The following RALGAPB variants were observed in gnomAD, a reference collection of about 807,000 sequenced individuals.
RALGAPB encodes Ral GTPase activating protein non-catalytic subunit beta, also known as ral GTPase-activating protein subunit beta.
RALGAPB carries 25 observed loss-of-function variants against 161.1 expected under a neutral mutation model. That is an observed-to-expected ratio of 0.16 (90% CI 0.11 to 0.22). RALGAPB has a LOEUF of 0.22. Among genes scored for constraint, RALGAPB ranks in the 10% least tolerant of loss-of-function variants. The pLI is 1.00. For synonymous variants in RALGAPB, 629 were observed against 626.1 expected, an observed-to-expected ratio of 1.00 and a Z score of -0.07; for missense variants, 1,391 against 1,815.2, an observed-to-expected ratio of 0.77 and a Z score of 4.25.
At chr20:38,513,237 C>T (rs1191624029) in intron 6 of RALGAPB, among the ~76,000 whole-genome samples, 1 of 151,288 alleles carries the variant, frequency 6.6e-6, no homozygotes, top group East Asian at 2.0e-4. Flanking sequence ...GGCGTGGTGG[C>T]TCACGCCTGT....
chr20:38,535,295 T>A, intron 16 of RALGAPB, 88 bp downstream of exon 16: 1 of 1,431,186 alleles, frequency 7.0e-7, no homozygotes, highest in East Asian at 2.3e-5. Flanking sequence ...TGTGGGTATT[T>A]TAGTGTTGAT....
chr20:38,508,326 A>G (rs188663281), intron 5 of RALGAPB, among the ~76,000 whole-genome samples: 104 of 152,260 alleles, frequency 6.8e-4, no homozygotes, highest in Non-Finnish European at 8.2e-4. Context: ...TAAAAAGGTC[A>G]TAAAGAATAA....
rs758008443 is a variant in RALGAPB at position 38,576,900 on chromosome 20, CTT to C, written c.*1936_*1937del. The C allele has an allele frequency of 2.0e-5, 3 of 152,616 alleles. No individual in the cohort carries two copies. The highest frequency in any genetic ancestry group is 4.8e-5 in the African/African-American group (2 of 41,436). 9.5% of individuals were successfully genotyped at this position (152,616 alleles called of 1,614,324 possible). Reference sequence around the variant, plus strand: ...CTTCAGTGTGATTCTTCAGATCAAACTTTTACTTTTGGCATAGTTAATTTCAG... The same window carrying C: ...CTTCAGTGTGATTCTTCAGATCAAACTTACTTTTGGCATAGTTAATTTCAG... On this transcript the variant is annotated 3_prime_UTR_variant, in exon 30 of 30. Coordinates refer to ENST00000262879, the MANE Select transcript of RALGAPB (RefSeq NM_020336.4).
intron 21 of RALGAPB, 143 bp from the exon 22 acceptor site, chr20:38,553,724 A>G: frequency 3.2e-6 from 2 of 627,976 alleles, no homozygotes; most frequent in East Asian, 2.9e-5. Flanking sequence ...AGGCAGGAGG[A>G]TCACTTGAGC....
chr20:38,532,909 G>T, intron 15 of RALGAPB, 50 bp downstream of exon 15: 1 of 1,557,182 alleles, frequency 6.4e-7, no homozygotes. Context: ...TGACTTTAAT[G>T]CTTACATTTA....
intron 25 of RALGAPB, among the ~76,000 whole-genome samples, chr20:38,566,647 T>C (rs1358448340): frequency 6.6e-6 from 1 of 152,256 alleles, no homozygotes; most frequent in African/African-American, 2.4e-5. Context: ...AGACTAGATC[T>C]TCTGTAGCTT....
chr20:38,525,806 A>T, intron 12 of RALGAPB, 89 bp from the exon 13 acceptor site: 1 of 1,348,818 alleles, frequency 7.4e-7, no homozygotes, highest in Non-Finnish European at 1.0e-6. Flanking sequence ...CTTTCTCATT[A>T]TACTGATCCG....
At chr20:38,510,451 T>G (rs908334665) in intron 6 of RALGAPB, among the ~76,000 whole-genome samples, 1 of 152,232 alleles carries the variant, frequency 6.6e-6, no homozygotes, top group Non-Finnish European at 1.5e-5. Context: ...CTTAGAATAT[T>G]TATCTCTTCT....
chr20:38,516,410 A>C (rs751947694), intron 7 of RALGAPB, 40 bp downstream of exon 7: 2 of 1,563,574 alleles, frequency 1.3e-6, no homozygotes, highest in Admixed American at 3.5e-5. Context: ...GAAGAGCTTC[A>C]TTTAGATAAC....
chr20:38,561,148 AC>A (rs1800006030), intron 23 of RALGAPB, among the ~76,000 whole-genome samples: 1 of 151,990 alleles, frequency 6.6e-6, no homozygotes, highest in South Asian at 2.1e-4. Flanking sequence ...ACATGGTAAA[AC>A]CCGTTTTTAC....
rs374860413 is a variant in RALGAPB at position 38,558,434 on chromosome 20, G to C, written c.3512G>C (p.Gly1171Ala). Reference protein sequence around the residue: ...DTVFIFYMKPGQKTNQEILKN... With the variant: ...DTVFIFYMKPAQKTNQEILKN... ...GTTTTTATTTTCTATATGAAGCCAG[G>C]TCAGAAAACGAACCAAGAGGTAAGA... Residue 1171 changes from glycine to alanine, a missense_variant, in exon 23 of 30, where the codon GGT becomes GCT. Gly to Ala is a moderately conservative substitution (Grantham distance 60). Coordinates refer to ENST00000262879, the MANE Select transcript of RALGAPB (RefSeq NM_020336.4). 2 of 1,587,070 alleles carry C rather than the reference G, an allele frequency of 1.3e-6. No individual in the cohort carries two copies. The highest frequency in any genetic ancestry group is 1.7e-6 in the Non-Finnish European group (2 of 1,166,792).
chr20:38,562,278 CATT>C (rs1232719820), intron 23 of RALGAPB, among the ~76,000 whole-genome samples: 1 of 152,136 alleles, frequency 6.6e-6, no homozygotes, highest in Non-Finnish European at 1.5e-5. Context: ...ACTTCACAAC[CATT>C]ATTATTATCT....
chr20:38,565,243 G>T, intron 24 of RALGAPB, 116 bp from the exon 25 acceptor site: 3 of 1,195,242 alleles, frequency 2.5e-6, no homozygotes, highest in East Asian at 2.5e-5. Context: ...GGTTCTTGTT[G>T]AAAACATATA....
At chr20:38,528,797 C>G (rs2123167522) in intron 13 of RALGAPB, among the ~76,000 whole-genome samples, 1 of 152,206 alleles carries the variant, frequency 6.6e-6, no homozygotes, top group Admixed American at 6.5e-5. Context: ...TCTTCCACCT[C>G]ACCCTCCTGA....
intron 1 of RALGAPB, among the ~76,000 whole-genome samples, chr20:38,483,673 G>T (rs762095425): frequency 6.6e-6 from 1 of 152,158 alleles, no homozygotes; most frequent in African/African-American, 2.4e-5. Context: ...ACGGGATGGA[G>T]CTACAAACAA....
intron 28 of RALGAPB, among the ~76,000 whole-genome samples, chr20:38,571,142 G>C (rs2088222173): frequency 6.6e-6 from 1 of 152,042 alleles, no homozygotes; most frequent in African/African-American, 2.4e-5. Context: ...AACCATCACA[G>C]CAATCTATTC....
At chr20:38,540,880 T>G (rs993695158) in intron 17 of RALGAPB, among the ~76,000 whole-genome samples, 161 bp from the exon 18 acceptor site, 3 of 152,226 alleles carry the variant, frequency 2.0e-5, no homozygotes, top group Non-Finnish European at 2.9e-5. Flanking sequence ...GTGTAAAGTT[T>G]ATTATATTAC....
intron 6 of RALGAPB, among the ~76,000 whole-genome samples, chr20:38,512,389 T>C (rs1050254252): frequency 6.6e-6 from 1 of 152,246 alleles, no homozygotes; most frequent in Non-Finnish European, 1.5e-5. Flanking sequence ...GCTAGTTTTT[T>C]CTTTGTGAAC....
intron 1 of RALGAPB, 96 bp downstream of exon 1, chr20:38,473,165 C>T (rs73290928): frequency 0.03 from 9,541 of 323,296 alleles, 242 homozygotes; most frequent in African/African-American, 0.09. Context: ...GCTTGTTTCT[C>T]GGCTCTGGGT....
Sources: allele counts gnomAD v4.1 joint callset (sites outside exome capture counted in the v4.1 genomes callset), GRCh38; gene constraint gnomAD v4.1.1; transcripts MANE v1.5; gene names NCBI Gene and HGNC (gene_info 2026-07-23, HGNC 2026-07-21).